The following CTNND2 variants were observed in gnomAD, a reference collection of about 807,000 sequenced individuals.
CTNND2 encodes catenin delta 2.
In CTNND2, 22 loss-of-function variants were observed where a neutral mutation model predicts 144.4. The observed-to-expected ratio is 0.15, with a 90% CI of 0.11 to 0.22. CTNND2 has a LOEUF of 0.22. Ranked by LOEUF, CTNND2 falls within the 10% of genes least tolerant of loss-of-function variation. The probability of loss-of-function intolerance (pLI) is 1.00; values close to 1 mark genes in which losing one functional copy is unlikely to be tolerated. For missense variants in CTNND2, 1,353 were observed against 1,618.8 expected (o/e 0.84, Z 2.82); for synonymous variants, 751 against 695.6 (o/e 1.08, Z -1.25).
Position 11,384,689 on chromosome 5 carries a change from G to C in CTNND2, c.1153C>G (p.Leu385Val). 1 of 1,607,080 alleles carries C rather than the reference G, an allele frequency of 6.2e-7. No individual in the cohort carries two copies. The highest frequency in any genetic ancestry group is 8.5e-7 in the Non-Finnish European group (1 of 1,178,874). Residue 385 changes from leucine (L) to valine (V), a missense_variant, in exon 7 of 22, where the codon CTC becomes GTC. Physicochemically the swap from Leu to Val is conservative, Grantham distance 32. Around this residue, in one of 4 missense-constraint regions of CTNND2, gnomAD observed 708 missense variants for 706.4 expected, o/e 1.00. Coordinates refer to ENST00000304623, the MANE Select transcript of CTNND2 (RefSeq NM_001332.4). The surrounding 1 kb of genome is among the most constrained non-coding windows in gnomAD (Gnocchi z 5.2). ...CCTGCCAGGCTGCCCGGCCTCTGGA[G>C]GGTGGCCGTGGCATACAGCTCCTGC... is the stretch of plus-strand genomic sequence containing the variant. The part of the protein sequence containing the change: ...HSQELYATAT[L>V]QRPGSLAAGS...
At chr5:11,686,936 C>A (rs1784681532) in intron 2 of CTNND2, among the ~76,000 whole-genome samples, 1 of 150,464 alleles carries the variant, frequency 6.6e-6, no homozygotes. Flanking sequence ...ATAGAAAATG[C>A]AGTTAAGAAG....
chr5:11,223,242 C>A (rs986564090), intron 10 of CTNND2, among the ~76,000 whole-genome samples: 1 of 152,210 alleles, frequency 6.6e-6, no homozygotes, highest in African/African-American at 2.4e-5. Context: ...CCCTGTGACC[C>A]TGCCCTTGTC....
chr5:11,495,217 T>C (rs1476631386), intron 3 of CTNND2, among the ~76,000 whole-genome samples: 3 of 152,192 alleles, frequency 2.0e-5, no homozygotes, highest in Non-Finnish European at 4.4e-5. Flanking sequence ...TGGAAGTCTT[T>C]TTTCAGTCAA....
At chr5:11,393,691 G>T (rs888850506) in intron 6 of CTNND2, among the ~76,000 whole-genome samples, 1 of 152,050 alleles carries the variant, frequency 6.6e-6, no homozygotes, top group African/African-American at 2.4e-5. Flanking sequence ...GGTGAACCCT[G>T]GGTCAATTAT....
intron 11 of CTNND2, among the ~76,000 whole-genome samples, chr5:11,174,494 C>G (rs956380011): frequency 1.3e-5 from 2 of 152,074 alleles, no homozygotes; most frequent in Admixed American, 1.3e-4. Flanking sequence ...TGGAAACCTT[C>G]TTCTGTTAGT....
At chr5:11,056,494 A>C (rs1471720811) in intron 16 of CTNND2, among the ~76,000 whole-genome samples, 1 of 152,152 alleles carries the variant, frequency 6.6e-6, no homozygotes, top group African/African-American at 2.4e-5. Flanking sequence ...TGTTATTATA[A>C]TTTCTAGAAA....
intron 5 of CTNND2, among the ~76,000 whole-genome samples, chr5:11,405,395 G>T (rs151001989): frequency 1.3e-3 from 197 of 152,220 alleles, no homozygotes; most frequent in African/African-American, 4.0e-3. Flanking sequence ...ACATCTACAT[G>T]GTAGGAGGAA....
chr5:11,627,443 C>G (rs2126454006), intron 2 of CTNND2, among the ~76,000 whole-genome samples: 1 of 152,054 alleles, frequency 6.6e-6, no homozygotes, highest in Non-Finnish European at 1.5e-5. Context: ...TCTACTGGAC[C>G]ATGATTCTAT....
rs202027740 is a variant in CTNND2 at position 11,259,343 on chromosome 5, C to CA, written c.1629-22521dup. Among the ~76,000 whole-genome samples the CA allele has an allele frequency of 1.4e-3, 208 of 150,846 alleles. 2 individuals are homozygous for CA. The East Asian group carries it at 0.014, about 10-fold the overall frequency. ...CCCTTTTAGATCCCAGCCACCACGC[C>CA]AAAAAAAAAGATGGCACCATGTAGA... On this transcript the variant is annotated intron_variant, in intron 9 of 21. Coordinates refer to ENST00000304623, the MANE Select transcript of CTNND2 (RefSeq NM_001332.4).
intron 1 of CTNND2, among the ~76,000 whole-genome samples, chr5:11,826,494 C>T (rs1006241926): frequency 2.0e-5 from 3 of 151,704 alleles, no homozygotes; most frequent in Non-Finnish European, 2.9e-5. Context: ...TTGATGTAAA[C>T]CCAAAATACA....
intron 1 of CTNND2, among the ~76,000 whole-genome samples, chr5:11,843,890 T>C (rs968974809): frequency 1.3e-5 from 2 of 152,182 alleles, no homozygotes; most frequent in Non-Finnish European, 2.9e-5. Flanking sequence ...GATTATATTG[T>C]TTGTACTAGC....
chr5:11,315,466 GT>G (rs1035002856), intron 9 of CTNND2, among the ~76,000 whole-genome samples: 1 of 152,086 alleles, frequency 6.6e-6, no homozygotes, highest in African/African-American at 2.4e-5. Context: ...TTATTTTAGA[GT>G]TTTATTTGTT....
At chr5:11,631,698 C>T (rs1277513922) in intron 2 of CTNND2, among the ~76,000 whole-genome samples, 1 of 152,168 alleles carries the variant, frequency 6.6e-6, no homozygotes, top group Non-Finnish European at 1.5e-5. Context: ...AGGTATAGGG[C>T]ACCCTTCTTT....
At chr5:11,744,176 T>C (rs1788176554) in intron 1 of CTNND2, among the ~76,000 whole-genome samples, 1 of 152,196 alleles carries the variant, frequency 6.6e-6, no homozygotes, top group Non-Finnish European at 1.5e-5. Context: ...TTTTATCTAA[T>C]CTTAACAAGC....
At chr5:11,139,664 G>A (rs1018998013) in intron 12 of CTNND2, among the ~76,000 whole-genome samples, 1 of 152,254 alleles carries the variant, frequency 6.6e-6, no homozygotes, top group East Asian at 1.9e-4. Context: ...CTGCCTGGCT[G>A]TGTGGCTTCC....
At chr5:11,052,968 A>G (rs1745993728) in intron 16 of CTNND2, among the ~76,000 whole-genome samples, 1 of 152,194 alleles carries the variant, frequency 6.6e-6, no homozygotes, top group Admixed American at 6.5e-5. Context: ...ATTAGAACAA[A>G]TAAGACTTAT....
At chr5:11,776,485 G>A (rs753705960) in intron 1 of CTNND2, among the ~76,000 whole-genome samples, 4 of 152,170 alleles carry the variant, frequency 2.6e-5, no homozygotes, top group Non-Finnish European at 5.9e-5. Flanking sequence ...CTACAAGACC[G>A]TAAACAGCTT....
intron 12 of CTNND2, among the ~76,000 whole-genome samples, chr5:11,137,772 G>C (rs1364060948): frequency 6.6e-6 from 1 of 152,186 alleles, no homozygotes; most frequent in Non-Finnish European, 1.5e-5. Flanking sequence ...CTGATGTCTA[G>C]GAGTGCTCAT....
chr5:11,125,773 G>A (rs375031849), intron 12 of CTNND2, among the ~76,000 whole-genome samples: 2 of 152,348 alleles, frequency 1.3e-5, no homozygotes, highest in African/African-American at 4.8e-5. Context: ...CGGGGGAAAT[G>A]TAGAACTAAA....
Sources: allele counts gnomAD v4.1 joint callset (sites outside exome capture counted in the v4.1 genomes callset), GRCh38; gene constraint gnomAD v4.1.1; regional missense constraint gnomAD v4.1.1; non-coding constraint Gnocchi (gnomAD v3.1); transcripts MANE v1.5; gene names NCBI Gene and HGNC (gene_info 2026-07-23, HGNC 2026-07-21).